The following GPR161 variants were observed in gnomAD, a reference collection of about 807,000 sequenced individuals.
The protein encoded by GPR161 is G protein-coupled receptor 161.
In GPR161, 25 loss-of-function variants were observed where a neutral mutation model predicts 39.2. The observed-to-expected ratio is 0.64, with a 90% CI of 0.47 to 0.89. The LOEUF (loss-of-function observed/expected upper bound fraction) is 0.89, where lower values mean the gene tolerates loss of function less well. GPR161 is among the 40% of genes least tolerant of loss of function. The pLI, the probability that GPR161 is intolerant of heterozygous loss-of-function variation, is 0.00. For missense variants in GPR161, 547 were observed against 677.8 expected, an observed-to-expected ratio of 0.81 and a Z score of 2.14; for synonymous variants, 286 against 276.6, an observed-to-expected ratio of 1.03 and a Z score of -0.34.
At chr1:168,104,126 T>C (rs1696367145) in intron 2 of GPR161, among the ~76,000 whole-genome samples, 1 of 152,138 alleles carries the variant, frequency 6.6e-6, no homozygotes, top group Non-Finnish European at 1.5e-5. Flanking sequence ...GGGGTCACAC[T>C]GGGAGAAAGA....
rs773937394 is a variant in GPR161, at chr1:168,096,741, A to G, written c.866T>C (p.Val289Ala). The G allele has an allele frequency of 1.9e-6, 3 of 1,614,084 alleles. No homozygotes were observed. Among genetic ancestry groups the G allele is most frequent in the Non-Finnish European group, 2.5e-6 (3 of 1,180,020 alleles). ...CCCCCAGAGGGCCTCAGAGGCGATG[A>G]CAACCATGTAGGGGCCCCAGGTGAC... is the stretch of plus-strand genomic sequence containing the variant. ...FMVTWGPYMV[V>A]IASEALWGKS... Residue 289 changes from valine to alanine, a missense_variant, in exon 3 of 6, where the codon GTC (valine) becomes GCC (alanine). Physicochemically the swap from Val to Ala is moderately conservative, Grantham distance 64. Coordinates refer to ENST00000682931, the MANE Select transcript of GPR161 (RefSeq NM_001375883.1).
At chr1:168,102,912 TAAA>T (rs74372180) in intron 2 of GPR161, among the ~76,000 whole-genome samples, 5 of 147,026 alleles carry the variant, frequency 3.4e-5, no homozygotes, top group East Asian at 3.9e-4. Flanking sequence ...AACTTTTTTT[TAAA>T]AAAAAATTAT....
Position 168,136,891 on chromosome 1 carries a change from C to T in GPR161, c.-197G>A. On this transcript the variant is annotated 5_prime_UTR_variant, in exon 1 of 6. Transcript: ENST00000682931. ...GCCCCGCTTCGCTCCTCCCGCGGGC[C>T]AGCCACCAGCACGCGGACCCGGGCG... The T allele has an allele frequency of 3.1e-6, 3 of 982,012 alleles. No individual in the cohort carries two copies. The highest frequency in any genetic ancestry group is 3.6e-6 in the Non-Finnish European group (3 of 828,556). The allele number at this position is 982,012 out of a possible 1,614,324, so 60.8% of individuals were successfully genotyped here. A position where few individuals can be genotyped will look rare whatever the true frequency, so the allele number is the denominator to read the frequency against.
chr1:168,087,057 T>C (rs1157549785), intron 5 of GPR161, among the ~76,000 whole-genome samples: 2 of 151,956 alleles, frequency 1.3e-5, no homozygotes, highest in Non-Finnish European at 2.9e-5. Flanking sequence ...AGTTCCAGAG[T>C]AAACAACAGT....
intron 1 of GPR161, chr1:168,136,462 G>A: frequency 7.8e-7 from 1 of 1,274,602 alleles, no homozygotes; most frequent in African/African-American, 1.5e-5. Flanking sequence ...CCAGCAGAAT[G>A]GGGTGGGCCT....
intron 1 of GPR161, among the ~76,000 whole-genome samples, chr1:168,134,750 T>A (rs771087557): frequency 2.6e-5 from 4 of 152,206 alleles, no homozygotes; most frequent in Non-Finnish European, 5.9e-5. Flanking sequence ...CAGGCAACCA[T>A]GTGCTGGAGC....
intron 1 of GPR161, chr1:168,134,795 C>A: frequency 1.1e-6 from 1 of 916,252 alleles, no homozygotes; most frequent in South Asian, 1.4e-5. Context: ...TTACTGGAGA[C>A]AGGCTTAGCA....
At chr1:168,088,386 T>G (rs1324583819) in intron 4 of GPR161, 1 of 152,220 alleles carries the variant, frequency 6.6e-6, no homozygotes, top group African/African-American at 2.4e-5. Flanking sequence ...GCTTCCAGCT[T>G]TCAATCCATA....
chr1:168,128,870 T>C (rs1018211998), intron 1 of GPR161, among the ~76,000 whole-genome samples: 5 of 152,182 alleles, frequency 3.3e-5, no homozygotes, highest in East Asian at 1.9e-4. Context: ...CTCACCATGA[T>C]AGCCATACTG....
In GPR161 at chr1:168,085,813, A is replaced by G. The variant is rs77478968; in HGVS notation, c.1325-17T>C. ...TGGCAGCTTCTGAGGGAGAAGGCAGAAAAAAAAGTCAGCTGAGGAGCCAGG... is the reference window on the plus strand; with the variant it reads ...TGGCAGCTTCTGAGGGAGAAGGCAGGAAAAAAAGTCAGCTGAGGAGCCAGG... On this transcript the variant is annotated splice_polypyrimidine_tract_variant and intron_variant, in intron 5 of 5. Transcript: ENST00000682931. The G allele has an allele frequency of 1.9e-6, 3 of 1,599,476 alleles. No individual in the cohort carries two copies. Among genetic ancestry groups the G allele is most frequent in the South Asian group, 1.1e-5 (1 of 90,270 alleles).
Position 168,110,552 on chromosome 1 carries a change from GAA to G in GPR161, c.-44-5660_-44-5659del, listed in dbSNP as rs1433961258. 5.3e-3 allele frequency among the ~76,000 whole-genome samples: 437 copies of G among 82,216 alleles called. 26 individuals carry two copies. The highest frequency in any genetic ancestry group is 0.047 in the East Asian group (185 of 3,900). 53.9% of individuals were successfully genotyped at this position (82,216 alleles called of 152,430 possible). Reference sequence around the variant, plus strand: ...AGAAAGGAAAGGAAAGAAAAGAAAAGAAAAGAAAAGAAAAGAAAAGAAAAGAA... The same window carrying G: ...AGAAAGGAAAGGAAAGAAAAGAAAAGAAGAAAAGAAAAGAAAAGAAAAGAA... On this transcript the variant is annotated intron_variant, in intron 1 of 5. Transcript: ENST00000682931.
chr1:168,124,367 A>T (rs915680042), intron 1 of GPR161, among the ~76,000 whole-genome samples: 1 of 152,152 alleles, frequency 6.6e-6, no homozygotes, highest in Admixed American at 6.5e-5. Context: ...TTCCACCTTA[A>T]ACTACCCAAA....
At chr1:168,134,333 A>G (rs1244992952) in intron 1 of GPR161, among the ~76,000 whole-genome samples, 1 of 152,216 alleles carries the variant, frequency 6.6e-6, no homozygotes, top group Non-Finnish European at 1.5e-5. Context: ...AGCACATAAA[A>G]TGTGCAAGGA....
At chr1:168,105,720 G>A (rs551624562) in intron 1 of GPR161, among the ~76,000 whole-genome samples, 1 of 152,144 alleles carries the variant, frequency 6.6e-6, no homozygotes, top group South Asian at 2.1e-4. Flanking sequence ...TCAGGAAACT[G>A]GCTTGGGATC....
At chr1:168,093,351 G>A (rs372367756) in intron 3 of GPR161, among the ~76,000 whole-genome samples, 7 of 152,104 alleles carry the variant, frequency 4.6e-5, no homozygotes, top group Non-Finnish European at 1.0e-4. Flanking sequence ...CTCACTTTGG[G>A]ACAAACAGAA....
chr1:168,132,512 C>T (rs1572396221), intron 1 of GPR161, among the ~76,000 whole-genome samples: 2 of 150,016 alleles, frequency 1.3e-5, no homozygotes, highest in East Asian at 4.0e-4. Flanking sequence ...GGCGTGAACC[C>T]GGAAGATGGA....
chr1:168,132,392 C>T (rs945837395), intron 1 of GPR161, among the ~76,000 whole-genome samples: 1 of 151,626 alleles, frequency 6.6e-6, no homozygotes, highest in African/African-American at 2.4e-5. Flanking sequence ...TTGAGACCAT[C>T]CTGGCTAACA....
intron 1 of GPR161, among the ~76,000 whole-genome samples, chr1:168,108,438 C>T (rs945585644): frequency 2.7e-5 from 3 of 109,946 alleles, no homozygotes; most frequent in Admixed American, 1.4e-4. Flanking sequence ...ATTCACAATA[C>T]GAAATAACAG....
chr1:168,123,638 A>G (rs1698376257), intron 1 of GPR161, among the ~76,000 whole-genome samples: 1 of 151,766 alleles, frequency 6.6e-6, no homozygotes, highest in Non-Finnish European at 1.5e-5. Context: ...GTGGAAAGCT[A>G]TCCATTCTCC....
Sources: gnomAD v4.1 joint callset for allele counts (sites outside exome capture counted in the v4.1 genomes callset) on GRCh38, gnomAD v4.1.1 for gene constraint, MANE v1.5 for transcripts, NCBI Gene and HGNC (gene_info 2026-07-23, HGNC 2026-07-21) for gene names.